Variants in MFSD11 observed in about 807,000 individuals in gnomAD.
MFSD11 encodes major facilitator superfamily domain containing 11, also known as UNC93-like protein MFSD11.
A neutral mutation model predicts 53.5 loss-of-function variants in MFSD11; 36 were observed. That is an observed-to-expected ratio of 0.67 (90% CI 0.52 to 0.89). The LOEUF (loss-of-function observed/expected upper bound fraction) is 0.89. MFSD11 is among the 40% of genes least tolerant of loss of function. The pLI, the probability that MFSD11 is intolerant of heterozygous loss-of-function variation, is 0.00. For missense variants in MFSD11, 530 were observed against 543.9 expected (o/e 0.97, Z 0.25); for synonymous variants, 186 against 184.9 (o/e 1.01, Z -0.05).
intron 8 of MFSD11, among the ~76,000 whole-genome samples, chr17:76,761,004 G>C (rs987312270): frequency 3.3e-5 from 5 of 151,822 alleles, no homozygotes; most frequent in Non-Finnish European, 7.4e-5. Flanking sequence ...AGGAGTTCGA[G>C]ACCAGCCTAG....
upstream of MFSD11, chr17:76,737,164 T>C (rs909394347): frequency 2.6e-6 from 4 of 1,561,258 alleles, no homozygotes; most frequent in Admixed American, 1.8e-5. Flanking sequence ...AGCTCATAGC[T>C]CTGAGTGGCG....
At position 76,750,917 on chromosome 17, in the gene MFSD11, C is replaced by T. The variant is rs142880299; in HGVS notation, c.642-3130C>T. On this transcript the variant is annotated intron_variant, in intron 7 of 12. Transcript: ENST00000685175. ...CTTCCATGTTCAAGTGATTCTGCTG[C>T]CTCGGCCTCCCAAGTAGCTGGGATT... is the stretch of plus-strand genomic sequence containing the variant. Among the ~76,000 whole-genome samples the T allele has an allele frequency of 2.7e-4, 41 of 151,278 alleles. No homozygotes were observed. The East Asian group carries it at 6.6e-3, about 24-fold the overall frequency.
chr17:76,742,828 C>CA (rs1186914510), intron 5 of MFSD11, among the ~76,000 whole-genome samples: 4 of 152,106 alleles, frequency 2.6e-5, no homozygotes, highest in Admixed American at 6.6e-5. Context: ...AAGAAGAAAG[C>CA]AAAACAGCTA....
In MFSD11 at chr17:76,744,179, C is replaced by G. The variant is rs947756466; in HGVS notation, c.497-143C>G. The G allele has an allele frequency of 8.5e-6, 6 of 703,260 alleles. No homozygotes were observed. The African/African-American group carries it at 9.3e-5, about 11-fold the overall frequency. The allele number at this position is 703,260 out of a possible 1,614,324, so 43.6% of individuals were successfully genotyped here. A position where few individuals can be genotyped will look rare whatever the true frequency, so the allele number is the denominator to read the frequency against. On this transcript the variant is annotated intron_variant, in intron 6 of 12. Coordinates refer to ENST00000685175, the MANE Select transcript of MFSD11 (RefSeq NM_001242532.5). ...AAAGGTGAAGGTATCCTATTTGTCT[C>G]CTTTTCCTAGGTTTTTACTGATGCA...
At chr17:76,760,425 G>GGCAGAAGAAAGTCCGC (rs1656025905) in intron 8 of MFSD11, among the ~76,000 whole-genome samples, 1 of 152,078 alleles carries the variant, frequency 6.6e-6, no homozygotes, top group Non-Finnish European at 1.5e-5. Context: ...GGTTGGCAGA[G>GGCAGAAGAAAGTCCGC]GCAGAAGAAA....
the MFSD11 span, among the ~76,000 whole-genome samples, chr17:76,799,954 C>CTTTTTTTTTTTTTTT: frequency 1.1e-5 from 1 of 87,302 alleles, no homozygotes; most frequent in African/African-American, 4.1e-5. Context: ...TTTTCTTTTT[C>CTTTTTTTTTTTTTTT]CTTTTTTTTT....
At chr17:76,756,520 A>G (rs1056725003) in intron 8 of MFSD11, among the ~76,000 whole-genome samples, 1 of 152,198 alleles carries the variant, frequency 6.6e-6, no homozygotes, top group Non-Finnish European at 1.5e-5. Flanking sequence ...ATCACTGTCA[A>G]AAGTTTGGCT....
chr17:76,767,378 G>T lies in MFSD11; in HGVS notation c.683-8G>T. On this transcript the variant is annotated splice_polypyrimidine_tract_variant and splice_region_variant and intron_variant, in intron 8 of 12. Transcript: ENST00000685175. ...TAATTAAGTACTCTTAAATTTTTGT[G>T]TTTACAGAAAAGTCTTTTAAGTTAT... The T allele has an allele frequency of 6.4e-7, 1 of 1,569,960 alleles. No homozygotes were observed. The highest frequency in any genetic ancestry group is 8.7e-7 in the Non-Finnish European group (1 of 1,145,250).
chr17:76,775,769 A>G (rs564508326), intron 11 of MFSD11, among the ~76,000 whole-genome samples: 1 of 152,214 alleles, frequency 6.6e-6, no homozygotes, highest in Non-Finnish European at 1.5e-5. Context: ...ACAGATTTTC[A>G]GATTAAAAAT....
chr17:76,803,726 A>G, the MFSD11 span, among the ~76,000 whole-genome samples: 2 of 152,034 alleles, frequency 1.3e-5, no homozygotes, highest in African/African-American at 4.8e-5. Flanking sequence ...CCCCCACCAA[A>G]TTATCCTGAA....
At chr17:76,760,603 T>C (rs2080128593) in intron 8 of MFSD11, among the ~76,000 whole-genome samples, 1 of 151,902 alleles carries the variant, frequency 6.6e-6, no homozygotes, top group South Asian at 2.1e-4. Flanking sequence ...CGATCTCGGC[T>C]CACTGCAACC....
chr17:76,754,831 CTA>C (rs1287073868), intron 8 of MFSD11, among the ~76,000 whole-genome samples: 3 of 152,092 alleles, frequency 2.0e-5, no homozygotes, highest in African/African-American at 4.8e-5. Flanking sequence ...GTTTTTTACT[CTA>C]TGTAATTCTC....
At chr17:76,759,395 G>A (rs1157122443) in intron 8 of MFSD11, among the ~76,000 whole-genome samples, 1 of 151,712 alleles carries the variant, frequency 6.6e-6, no homozygotes, top group East Asian at 1.9e-4. Flanking sequence ...TGATTCTCCT[G>A]CCTCAATCCC....
At chr17:76,739,251 A>G (rs2077808684) in intron 2 of MFSD11, among the ~76,000 whole-genome samples, 1 of 152,208 alleles carries the variant, frequency 6.6e-6, no homozygotes, top group Admixed American at 6.5e-5. Flanking sequence ...CGTGAGCCTA[A>G]TTTCCTAGTT....
At chr17:76,770,169 C>T (rs1410584782) in intron 10 of MFSD11, among the ~76,000 whole-genome samples, 1 of 151,190 alleles carries the variant, frequency 6.6e-6, no homozygotes, top group Non-Finnish European at 1.5e-5. Context: ...TCCCGAGTAG[C>T]TGGGACTACA....
rs569433359 is a variant in MFSD11 at position 76,776,714 on chromosome 17, C to T, written c.1185+173C>T. ...GGAGTGCAGTAGCGCAATCTTGACT[C>T]GCTGCAACCTCCGCCTCCCGGGTTC... On this transcript the variant is annotated intron_variant, in intron 12 of 12. Coordinates refer to ENST00000685175, the MANE Select transcript of MFSD11 (RefSeq NM_001242532.5). The surrounding 1 kb of genome is among the most constrained non-coding windows in gnomAD (Gnocchi z 4.2). 3.0e-4 allele frequency among the ~76,000 whole-genome samples: 46 copies of T among 152,208 alleles called. No homozygotes were observed. The highest frequency in any genetic ancestry group is 7.2e-4 in the Admixed American group (11 of 15,290).
chr17:76,745,812 C>CTTATTTAT (rs111982936), intron 7 of MFSD11, among the ~76,000 whole-genome samples: 8,366 of 148,896 alleles, frequency 0.056, 468 homozygotes, highest in African/African-American at 0.13. Context: ...TTATTATTTA[C>CTTATTTAT]TTATTTATTT....
chr17:76,757,070 G>A (rs1026849211), intron 8 of MFSD11, among the ~76,000 whole-genome samples: 4 of 152,098 alleles, frequency 2.6e-5, no homozygotes, highest in African/African-American at 9.7e-5. Context: ...GTTAAAGGGA[G>A]GTAGATGACC....
At chr17:76,750,539 G>A (rs1398778170) in intron 7 of MFSD11, among the ~76,000 whole-genome samples, 1 of 151,730 alleles carries the variant, frequency 6.6e-6, no homozygotes, top group East Asian at 1.9e-4. Flanking sequence ...TGTATTTTTA[G>A]TAGAGACTGA....
Sources: gnomAD v4.1 joint callset for allele counts (sites outside exome capture counted in the v4.1 genomes callset) on GRCh38, gnomAD v4.1.1 for gene constraint, Gnocchi (gnomAD v3.1) non-coding constraint, MANE v1.5 for transcripts, NCBI Gene and HGNC (gene_info 2026-07-23, HGNC 2026-07-21) for gene names.